The following NEBL variants were observed in gnomAD, a reference collection of about 807,000 sequenced individuals.
NEBL encodes nebulette.
In NEBL, 122 loss-of-function variants were observed where a neutral mutation model predicts 140.2. The observed-to-expected ratio is 0.87, with a 90% CI of 0.75 to 1.01. The LOEUF (loss-of-function observed/expected upper bound fraction) is 1.01, where lower values mean the gene tolerates loss of function less well. Ranked by LOEUF, NEBL falls within the 50% of genes least tolerant of loss-of-function variation. NEBL has a pLI of 0.00. For synonymous variants in NEBL, 436 were observed against 398.9 expected, an observed-to-expected ratio of 1.09 and a Z score of -1.11; for missense variants, 1,365 against 1,231.3, an observed-to-expected ratio of 1.11 and a Z score of -1.62.
Position 21,051,605 on chromosome 10 carries a change from A to T in NEBL, c.165-31404T>A, listed in dbSNP as rs951875347. Among the ~76,000 whole-genome samples, 82 of 152,238 alleles carry T rather than the reference A, an allele frequency of 5.4e-4. 1 individual carries two copies. Reference sequence around the variant, plus strand: ...GGAATAGAGAAATGAGGCACAAAAAAATCTATGACACATGGAAAACAAATA... The same window carrying T: ...GGAATAGAGAAATGAGGCACAAAAATATCTATGACACATGGAAAACAAATA... On this transcript the variant is annotated intron_variant, in intron 2 of 6. Coordinates refer to the NEBL transcript ENST00000417816.
At chr10:20,998,228 T>C (rs1451001388) in intron 3 of NEBL, among the ~76,000 whole-genome samples, 1 of 152,094 alleles carries the variant, frequency 6.6e-6, no homozygotes, top group Non-Finnish European at 1.5e-5. Context: ...TGAGGCCAAA[T>C]ATTAGCAAGG....
At chr10:20,969,457 G>T (rs1836468151) in intron 3 of NEBL, among the ~76,000 whole-genome samples, 1 of 142,168 alleles carries the variant, frequency 7.0e-6, no homozygotes. Context: ...CCAGATTTGG[G>T]GTTCTTTTAC....
chr10:20,876,845 A>T (rs1400976953), intron 5 of NEBL, among the ~76,000 whole-genome samples: 1 of 152,218 alleles, frequency 6.6e-6, no homozygotes, highest in Non-Finnish European at 1.5e-5. Context: ...TCTTTAGGGG[A>T]AAGTCACTGG....
At chr10:21,095,619 T>C (rs1033242218) in intron 2 of NEBL, among the ~76,000 whole-genome samples, 3 of 152,220 alleles carry the variant, frequency 2.0e-5, no homozygotes, top group Admixed American at 2.0e-4. Flanking sequence ...ATGGCAATTT[T>C]CTATTAAATC....
intron 4 of NEBL, among the ~76,000 whole-genome samples, chr10:20,925,023 T>C (rs1345154372): frequency 1.3e-5 from 2 of 149,662 alleles, no homozygotes. Flanking sequence ...GAAAACTAAC[T>C]AGCATATTAA....
At chr10:20,912,402 G>C (rs778927322) in intron 4 of NEBL, among the ~76,000 whole-genome samples, 13 of 152,162 alleles carry the variant, frequency 8.5e-5, no homozygotes, top group Admixed American at 2.0e-4. Context: ...AATGCGCTAC[G>C]ATCGTGCCAC....
At chr10:21,202,045 A>C (rs1004001731) in intron 3 of NEBL, among the ~76,000 whole-genome samples, 3 of 152,150 alleles carry the variant, frequency 2.0e-5, no homozygotes, top group African/African-American at 4.8e-5. Context: ...GTGATACAAC[A>C]TCTGTCTCTG....
intron 2 of NEBL, among the ~76,000 whole-genome samples, chr10:21,097,228 G>C (rs201963477): frequency 2.1e-5 from 3 of 141,732 alleles, no homozygotes; most frequent in African/African-American, 5.4e-5. Flanking sequence ...CCGGGGGGGG[G>C]GTGGGGCAGA....
At chr10:21,155,380 T>A (rs1489521731) in intron 2 of NEBL, among the ~76,000 whole-genome samples, 1 of 152,148 alleles carries the variant, frequency 6.6e-6, no homozygotes, top group Non-Finnish European at 1.5e-5. Flanking sequence ...TCTTATTCAT[T>A]CTAACTATTT....
chr10:21,237,234 T>C (rs1842366909), intron 3 of NEBL, among the ~76,000 whole-genome samples: 1 of 152,264 alleles, frequency 6.6e-6, no homozygotes, highest in Admixed American at 6.5e-5. Flanking sequence ...AGATAGAGTG[T>C]CACTCTGTTG....
intron 27 of NEBL, 129 bp downstream of exon 27, chr10:20,787,073 C>A: frequency 3.5e-6 from 3 of 849,478 alleles, no homozygotes; most frequent in Non-Finnish European, 5.9e-6. Flanking sequence ...GTATAAATGG[C>A]AACACATCAT....
At chr10:20,992,343 C>T (rs776641023) in intron 3 of NEBL, among the ~76,000 whole-genome samples, 20 of 152,152 alleles carry the variant, frequency 1.3e-4, no homozygotes, top group African/African-American at 4.1e-4. Flanking sequence ...CTTTCTCAAC[C>T]GCCCTTGCAG....
intron 3 of NEBL, among the ~76,000 whole-genome samples, chr10:21,225,723 C>T (rs1006329861): frequency 4.6e-5 from 7 of 152,160 alleles, no homozygotes; most frequent in Non-Finnish European, 1.0e-4. Context: ...AAGGCCCAAG[C>T]GCTCTTCAGT....
chr10:21,187,657 GT>G (rs1841498051), intron 3 of NEBL, among the ~76,000 whole-genome samples: 1 of 151,900 alleles, frequency 6.6e-6, no homozygotes, highest in Admixed American at 6.6e-5. Flanking sequence ...GGGACTACAG[GT>G]GTGCACCACC....
intron 3 of NEBL, among the ~76,000 whole-genome samples, chr10:21,200,613 C>T (rs1589326383): frequency 6.6e-6 from 1 of 152,300 alleles, no homozygotes; most frequent in Middle Eastern, 3.4e-3. Context: ...CGCGCCCAAC[C>T]CCACGGGAAT....
At chr10:21,042,201 A>G (rs1334468124) in intron 2 of NEBL, among the ~76,000 whole-genome samples, 1 of 152,180 alleles carries the variant, frequency 6.6e-6, no homozygotes, top group African/African-American at 2.4e-5. Context: ...TTAACGTCTC[A>G]TTTAATCCTC....
At chr10:21,284,032 G>A (rs1320783263) in intron 1 of NEBL, among the ~76,000 whole-genome samples, 1 of 84,474 alleles carries the variant, frequency 1.2e-5, no homozygotes, top group Non-Finnish European at 2.1e-5. Context: ...AACCTAATCT[G>A]CACTAAAAAA....
At chr10:21,159,673 G>C (rs1311732747) in intron 2 of NEBL, among the ~76,000 whole-genome samples, 1 of 152,142 alleles carries the variant, frequency 6.6e-6, no homozygotes, top group Non-Finnish European at 1.5e-5. Context: ...CATGCAGCGG[G>C]GCCACCTGTT....
intron 2 of NEBL, among the ~76,000 whole-genome samples, chr10:21,108,111 C>T (rs1012621317): frequency 6.6e-6 from 1 of 152,086 alleles, no homozygotes; most frequent in African/African-American, 2.4e-5. Flanking sequence ...TTCAAAAAAA[C>T]AGCTCCTGGA....
Sources: allele counts gnomAD v4.1 joint callset (sites outside exome capture counted in the v4.1 genomes callset), GRCh38; gene constraint gnomAD v4.1.1; transcripts MANE v1.5; gene names NCBI Gene and HGNC (gene_info 2026-07-23, HGNC 2026-07-21).